The following POLR3E variants were observed in gnomAD, a reference collection of about 807,000 sequenced individuals.
POLR3E encodes the protein DNA-directed RNA polymerase III subunit RPC5.
POLR3E carries 41 observed loss-of-function variants against 96.6 expected under a neutral mutation model. The ratio of observed to expected loss-of-function variants is 0.42; its 90% CI spans 0.33 to 0.55. The LOEUF is 0.55. Ranked by LOEUF, POLR3E falls within the 20% of genes least tolerant of loss-of-function variation. The pLI is 0.06. For synonymous variants in POLR3E, 396 were observed against 383.6 expected, an observed-to-expected ratio of 1.03 and a Z score of -0.38; for missense variants, 849 against 952.1, an observed-to-expected ratio of 0.89 and a Z score of 1.43.
At chr16:22,326,822 C>T (rs939492623) in intron 18 of POLR3E, 2 of 167,680 alleles carry the variant, frequency 1.2e-5, no homozygotes, top group African/African-American at 2.4e-5. Flanking sequence ...ACAGCTGCGC[C>T]ACGCCCCAGC....
At chr16:22,314,302 A>T (rs763862330) in intron 8 of POLR3E, among the ~76,000 whole-genome samples, 174 bp downstream of exon 8, 3 of 152,116 alleles carry the variant, frequency 2.0e-5, no homozygotes, top group Non-Finnish European at 4.4e-5. Context: ...TATACACAAG[A>T]TGGAAGCCCT....
chr16:22,329,448 C>T (rs1482158751), intron 19 of POLR3E, among the ~76,000 whole-genome samples: 1 of 152,092 alleles, frequency 6.6e-6, no homozygotes, highest in African/African-American at 2.4e-5. Context: ...GTGAACGTAC[C>T]TAATTTGATG....
rs1258329041 is a variant in POLR3E at position 22,318,951 on chromosome 16, G to C, written c.986+5G>C. Reference sequence around the variant, plus strand: ...AGGGAACTGGGTGGTGAAGAGGTAAGTTGCTTTTTTTATTTTTTATTTTTA... The same window carrying C: ...AGGGAACTGGGTGGTGAAGAGGTAACTTGCTTTTTTTATTTTTTATTTTTA... On this transcript the variant is annotated splice_donor_5th_base_variant and intron_variant, in intron 13 of 20. Coordinates refer to ENST00000299853, the MANE Select transcript of POLR3E (RefSeq NM_018119.4). The surrounding 1 kb of genome is among the most constrained non-coding windows in gnomAD (Gnocchi z 5.0). The C allele has an allele frequency of 6.3e-7, 1 of 1,578,166 alleles. No homozygotes were observed.
chr16:22,313,505 C>T lies in POLR3E; in HGVS notation c.365-115C>T, dbSNP rs373814135. ...AAGACTCTAGGATTGGGGGCTGCAG[C>T]GGGAATGGGAGGCGGTTTGATGGTG... On this transcript the variant is annotated intron_variant, in intron 6 of 20. Coordinates refer to ENST00000299853, the MANE Select transcript of POLR3E (RefSeq NM_018119.4). The surrounding 1 kb of genome is among the most constrained non-coding windows in gnomAD (Gnocchi z 4.1). 13 of 672,956 alleles carry T rather than the reference C, an allele frequency of 1.9e-5. No homozygotes were observed. The highest frequency in any genetic ancestry group is 1.4e-4 in the Admixed American group (6 of 42,844). 41.7% of individuals were successfully genotyped at this position (672,956 alleles called of 1,614,324 possible). A position where few individuals can be genotyped will look rare whatever the true frequency, so the allele number is the denominator to read the frequency against.
chr16:22,308,337 C>T, intron 4 of POLR3E, 112 bp downstream of exon 4: 2 of 826,882 alleles, frequency 2.4e-6, no homozygotes, highest in Non-Finnish European at 4.2e-6. Flanking sequence ...GGAGAACCAG[C>T]AACTCCCAGG....
rs1161342858 is a variant in POLR3E, at chr16:22,313,096, A to G, written c.365-524A>G. The stretch of plus-strand genomic sequence containing the variant: ...AAAGTCATGATCTTTATCAGAGGCC[A>G]TGTGGACACTCCACCCAGTTCTAGC... On this transcript the variant is annotated intron_variant, in intron 6 of 20. Transcript: ENST00000299853. The surrounding 1 kb of genome is among the most constrained non-coding windows in gnomAD (Gnocchi z 4.1). Among the ~76,000 whole-genome samples, 2 of 152,002 alleles carry G rather than the reference A, an allele frequency of 1.3e-5. No homozygotes were observed. The highest frequency in any genetic ancestry group is 2.9e-5 in the Non-Finnish European group (2 of 68,020).
In POLR3E at chr16:22,305,414, T is replaced by C. The variant is rs1484015136; in HGVS notation, c.87+208T>C. The stretch of plus-strand genomic sequence containing the variant: ...TGAAGGAACACAGGAGAGGCAGAAG[T>C]GTGCAGCAGTTAAAGCTGGGGCTCT... On this transcript the variant is annotated intron_variant, in intron 3 of 20. Coordinates refer to ENST00000299853, the MANE Select transcript of POLR3E (RefSeq NM_018119.4). 3 of 696,964 alleles carry C rather than the reference T, an allele frequency of 4.3e-6. No homozygotes were observed. In the Admixed American group the frequency reaches 6.0e-5, roughly 14 times the overall value. The allele number at this position is 696,964 out of a possible 1,614,324, so 43.2% of individuals were successfully genotyped here. A position where few individuals can be genotyped will look rare whatever the true frequency, so the allele number is the denominator to read the frequency against.
chr16:22,297,654 A>T (rs1409004144), intron 1 of POLR3E, 117 bp downstream of exon 1: 1 of 152,598 alleles, frequency 6.6e-6, no homozygotes, highest in African/African-American at 2.4e-5. Flanking sequence ...TGTGCCTAGC[A>T]GCTGGAGGCC....
chr16:22,308,096 C>T, intron 3 of POLR3E, 52 bp from the exon 4 acceptor site: 1 of 1,406,864 alleles, frequency 7.1e-7, no homozygotes, highest in Non-Finnish European at 1.0e-6. Context: ...CAGGGCCCAG[C>T]TCTGGGCATG....
chr16:22,307,259 C>T (rs1567310683), intron 3 of POLR3E, among the ~76,000 whole-genome samples: 1 of 152,198 alleles, frequency 6.6e-6, no homozygotes, highest in Non-Finnish European at 1.5e-5. Context: ...CCTTCCCACC[C>T]CCAGTCAGGT....
chr16:22,308,930 G>T lies in POLR3E; in HGVS notation c.171G>T (p.Glu57Asp). The T allele has an allele frequency of 6.2e-7, 1 of 1,612,230 alleles. No individual in the cohort carries two copies. The highest frequency in any genetic ancestry group is 8.5e-7 in the Non-Finnish European group (1 of 1,178,408). The change falls in exon 5 of 21, where the codon GAG becomes GAT. Residue 57 changes from glutamate (E) to aspartate (D), a missense_variant. By Grantham distance (45) the Glu-to-Asp change is conservative. Coordinates refer to ENST00000299853, the MANE Select transcript of POLR3E (RefSeq NM_018119.4). ...GGGGTGCTTGGTGCCTCCAGGTAGA[G>T]CTTGAGATGGCCATCGACACCCTGA... is the stretch of plus-strand genomic sequence containing the variant. ...AKIKPKQQKV[E>D]LEMAIDTLNP... is the part of the protein sequence containing the mutation.
Position 22,325,761 on chromosome 16 carries a change from G to A in POLR3E, c.1349G>A (p.Gly450Glu). ...AGCAGTGCTGCCTCCCTCCCCGCAG[G>A]GCCTGCCGGGCTGGTCTGTGGGGAC... The part of the protein sequence containing the change: ...TMPKKPDAQS[G>E]PAGLVCGDQR... Residue 450 changes from glycine to glutamate, a missense_variant and splice_region_variant, in exon 18 of 21, where the codon GGG becomes GAG. By Grantham distance (98) the Gly-to-Glu change is moderately conservative. Coordinates refer to ENST00000299853, the MANE Select transcript of POLR3E (RefSeq NM_018119.4). The A allele has an allele frequency of 1.3e-6, 2 of 1,554,080 alleles. No homozygotes were observed. Among genetic ancestry groups the A allele is most frequent in the Non-Finnish European group, 1.7e-6 (2 of 1,151,758 alleles).
At chr16:22,332,572 A>C (rs1034591340) in intron 20 of POLR3E, among the ~76,000 whole-genome samples, 4 of 152,108 alleles carry the variant, frequency 2.6e-5, no homozygotes, top group African/African-American at 9.7e-5. Flanking sequence ...AGAACAACAA[A>C]AAAATATGGT....
Position 22,314,098 on chromosome 16 carries a change from T to A in POLR3E, c.492T>A (p.Asp164Glu), listed in dbSNP as rs764222376. ...TTGCAGCAGGGGACTCTTCACAGGA[T>A]GAGGCGGAAGACGATGTTAAGCAGA... is the stretch of plus-strand genomic sequence containing the variant. Reference protein sequence around the residue: ...AANEAGDSSQDEAEDDVKQIT... With the variant: ...AANEAGDSSQEEAEDDVKQIT... Residue 164 changes from aspartate to glutamate, a missense_variant, in exon 8 of 21, where the codon GAT becomes GAA. Transcript: ENST00000299853. The A allele has an allele frequency of 1.9e-6, 3 of 1,613,892 alleles. No individual in the cohort carries two copies. In the Admixed American group the frequency reaches 5.0e-5, roughly 27 times the overall value.
Position 22,328,428 on chromosome 16 carries a change from G to GGGCA in POLR3E, c.1867-80_1867-77dup, listed in dbSNP as rs1203397520. The GGGCA allele has an allele frequency of 4.3e-6, 5 of 1,154,366 alleles. No individual in the cohort carries two copies. The African/African-American group carries it at 6.1e-5, about 14-fold the overall frequency. The allele number at this position is 1,154,366 out of a possible 1,614,324, so 71.5% of individuals were successfully genotyped here. A position where few individuals can be genotyped will look rare whatever the true frequency, so the allele number is the denominator to read the frequency against. On this transcript the variant is annotated intron_variant, in intron 18 of 20. Coordinates refer to ENST00000299853, the MANE Select transcript of POLR3E (RefSeq NM_018119.4). ...AACCCATGTTCCTGCATCTGGGCTG[G>GGGCA]GGCAGACAGGGAGGGATGAGGCAAG...
At position 22,322,258 on chromosome 16, in the gene POLR3E, C is replaced by T. The variant is rs1174070486; in HGVS notation, c.987-592C>T. Among the ~76,000 whole-genome samples the T allele has an allele frequency of 6.6e-6, 1 of 152,150 alleles. No individual in the cohort carries two copies. Among genetic ancestry groups the T allele is most frequent in the African/African-American group, 2.4e-5 (1 of 41,438 alleles). On this transcript the variant is annotated intron_variant, in intron 13 of 20. Transcript: ENST00000299853. The surrounding 1 kb of genome is among the most constrained non-coding windows in gnomAD (Gnocchi z 5.2). Reference sequence around the variant, plus strand: ...CGCAGCAGGGGCTGAGCCGGGGTTGCAGGGCCTGTGGCTGGAGCTGGGTCA... The same window carrying T: ...CGCAGCAGGGGCTGAGCCGGGGTTGTAGGGCCTGTGGCTGGAGCTGGGTCA...
chr16:22,305,846 C>T (rs931017465), intron 3 of POLR3E, among the ~76,000 whole-genome samples: 1 of 152,206 alleles, frequency 6.6e-6, no homozygotes, highest in Non-Finnish European at 1.5e-5. Context: ...TCAGTTACCT[C>T]TTTAACCCCA....
Position 22,325,888 on chromosome 16 carries a change from G to T in POLR3E, c.1476G>T (p.Pro492=), listed in dbSNP as rs376135857. 184 of 1,608,506 alleles carry T rather than the reference G, an allele frequency of 1.1e-4. No homozygotes were observed. In the African/African-American group the frequency reaches 1.6e-3, roughly 14 times the overall value. ...AGCAGCTGCGGGTGCCTGCGGTCCC[G>T]CCCGGTGTGCGGATCAAGGAGGAGC... ...RKEQLRVPAV[P]PGVRIKEEPV... Residue 492 remains proline (P), a synonymous_variant, in exon 18 of 21, where the codon CCG becomes CCT. Transcript: ENST00000299853.
At chr16:22,302,843 C>A (rs2048054177) in intron 1 of POLR3E, 88 bp from the exon 2 acceptor site, 4 of 890,210 alleles carry the variant, frequency 4.5e-6, no homozygotes, top group African/African-American at 1.6e-5. Flanking sequence ...GTGGGCTCCC[C>A]CTCCCAGTGC....
Sources: gnomAD v4.1 joint callset for allele counts (sites outside exome capture counted in the v4.1 genomes callset) on GRCh38, gnomAD v4.1.1 for gene constraint, Gnocchi (gnomAD v3.1) non-coding constraint, MANE v1.5 for transcripts, NCBI Gene and HGNC (gene_info 2026-07-23, HGNC 2026-07-21) for gene names.